Variants in FHIT observed in about 807,000 individuals in gnomAD.
FHIT encodes the protein bis(5'-adenosyl)-triphosphatase.
A neutral mutation model predicts 17.9 loss-of-function variants in FHIT; 19 were observed. The observed-to-expected ratio is 1.06, with a 90% CI of 0.74 to 1.56. FHIT has a LOEUF of 1.56. Among genes scored for constraint, FHIT ranks in the 40% most tolerant of loss-of-function variants. FHIT has a pLI of 0.00. For missense variants in FHIT, 248 were observed against 189.2 expected, an observed-to-expected ratio of 1.31 and a Z score of -1.82; for synonymous variants, 81 against 69.7, an observed-to-expected ratio of 1.16 and a Z score of -0.81.
chr3:59,888,182 A>T, intron 8 of FHIT, among the ~76,000 whole-genome samples: 1 of 152,198 alleles, frequency 6.6e-6, no homozygotes, highest in East Asian at 1.9e-4. Context: ...TAACAAATTC[A>T]TACCCAATAA....
Position 60,952,163 on chromosome 3 carries a change from C to T in FHIT, c.-111+89884G>A, listed in dbSNP as rs1224427928. 3.6e-5 allele frequency among the ~76,000 whole-genome samples: 5 copies of T among 140,106 alleles called. No homozygotes were observed. In the East Asian group the frequency reaches 9.8e-4, roughly 27 times the overall value. The allele number at this position is 140,106 out of a possible 152,430, so 91.9% of individuals were successfully genotyped here. On this transcript the variant is annotated intron_variant, in intron 3 of 9. Transcript: ENST00000492590. ...TGGGAGACAAGAGCAAAACTCCGTCCTCCCCACCCCCCCCCCAAAAAAAAA... is the reference window on the plus strand; with the variant it reads ...TGGGAGACAAGAGCAAAACTCCGTCTTCCCCACCCCCCCCCCAAAAAAAAA...
intron 8 of FHIT, among the ~76,000 whole-genome samples, chr3:59,846,199 T>A (rs1273713122): frequency 1.3e-5 from 2 of 152,152 alleles, no homozygotes; most frequent in East Asian, 3.8e-4. Flanking sequence ...CTTTTGTGTT[T>A]GGTTGATTTC....
At chr3:60,355,889 T>C (rs953837117) in intron 5 of FHIT, among the ~76,000 whole-genome samples, 1 of 152,278 alleles carries the variant, frequency 6.6e-6, no homozygotes, top group South Asian at 2.1e-4. Context: ...TTAGTGAAAA[T>C]TGTTCCTTAT....
At position 60,254,408 on chromosome 3, in the gene FHIT, A is replaced by G. The variant is rs569783001; in HGVS notation, c.104-240256T>C. On this transcript the variant is annotated intron_variant, in intron 5 of 9. Transcript: ENST00000492590. ...TAACCAAATAAAATGATTTTTCCCA[A>G]TATAAATTAGAGATACTATATCAAA... Among the ~76,000 whole-genome samples, 6 of 152,270 alleles carry G rather than the reference A, an allele frequency of 3.9e-5. No individual in the cohort carries two copies. The Middle Eastern group carries it at 0.014, about 345-fold the overall frequency.
At chr3:60,923,549 A>C (rs1707402388) in intron 3 of FHIT, among the ~76,000 whole-genome samples, 1 of 152,234 alleles carries the variant, frequency 6.6e-6, no homozygotes, top group African/African-American at 2.4e-5. Context: ...AGAGTCTGGT[A>C]ATTATGTATT....
intron 5 of FHIT, among the ~76,000 whole-genome samples, chr3:60,074,152 A>G (rs1201051265): frequency 6.6e-6 from 1 of 152,102 alleles, no homozygotes; most frequent in East Asian, 1.9e-4. Context: ...TAGTCAAAAC[A>G]AGCCAAGCTG....
chr3:60,876,159 G>T (rs1261140504), intron 3 of FHIT, among the ~76,000 whole-genome samples: 1 of 151,964 alleles, frequency 6.6e-6, no homozygotes, highest in African/African-American at 2.4e-5. Flanking sequence ...GTAAGCAAGG[G>T]ATTTTTCAAC....
intron 3 of FHIT, among the ~76,000 whole-genome samples, chr3:60,936,325 A>C (rs2107390684): frequency 6.6e-6 from 1 of 152,342 alleles, no homozygotes; most frequent in South Asian, 2.1e-4. Flanking sequence ...AAAATTATTT[A>C]GCCAGAAAAA....
intron 2 of FHIT, among the ~76,000 whole-genome samples, chr3:61,182,379 A>G (rs1406106880): frequency 6.6e-6 from 1 of 152,256 alleles, no homozygotes; most frequent in Admixed American, 6.5e-5. Flanking sequence ...TTAATACAAC[A>G]TTTCTCTTTA....
At chr3:60,624,902 T>TC (rs59552130) in intron 4 of FHIT, among the ~76,000 whole-genome samples, 1 of 150,948 alleles carries the variant, frequency 6.6e-6, no homozygotes, top group African/African-American at 2.4e-5. Context: ...CTAGTTTTTT[T>TC]TTTTGTTTGT....
rs892084075 is a variant in FHIT at position 61,092,529 on chromosome 3, G to A, written c.-163-50430C>T. Among the ~76,000 whole-genome samples, 8 of 151,958 alleles carry A rather than the reference G, an allele frequency of 5.3e-5. No homozygotes were observed. In the East Asian group the frequency reaches 1.5e-3, roughly 29 times the overall value. On this transcript the variant is annotated intron_variant, in intron 2 of 9. Coordinates refer to ENST00000492590, the MANE Select transcript of FHIT (RefSeq NM_002012.4). ...TATATATATATATATACTGCTTGCT[G>A]ACAATAAATTATTTTGTTAAAAAAC...
intron 3 of FHIT, among the ~76,000 whole-genome samples, chr3:60,985,459 T>G (rs1710681335): frequency 6.6e-6 from 1 of 152,132 alleles, no homozygotes; most frequent in Non-Finnish European, 1.5e-5. Context: ...TCAATCATAA[T>G]GCCCCACTGC....
At chr3:60,207,013 A>C (rs1703224575) in intron 5 of FHIT, among the ~76,000 whole-genome samples, 2 of 152,190 alleles carry the variant, frequency 1.3e-5, no homozygotes, top group African/African-American at 4.8e-5. Flanking sequence ...ATACATACAC[A>C]ACTAAGTGGG....
chr3:60,473,651 G>A (rs2033200109), intron 5 of FHIT, among the ~76,000 whole-genome samples: 2 of 152,190 alleles, frequency 1.3e-5, no homozygotes, highest in South Asian at 4.1e-4. Flanking sequence ...GGGCGCAGTG[G>A]CTCACGCCTG....
intron 4 of FHIT, among the ~76,000 whole-genome samples, chr3:60,705,652 G>C (rs2107920709): frequency 6.6e-6 from 1 of 152,332 alleles, no homozygotes; most frequent in South Asian, 2.1e-4. Flanking sequence ...CAGTAAATAT[G>C]TTCAAGGCTT....
intron 4 of FHIT, among the ~76,000 whole-genome samples, chr3:60,769,013 C>A (rs782435607): frequency 6.6e-6 from 1 of 152,202 alleles, no homozygotes; most frequent in Non-Finnish European, 1.5e-5. Context: ...CTTCTGTGAA[C>A]AACCTCAAAT....
intron 4 of FHIT, among the ~76,000 whole-genome samples, chr3:60,603,648 C>G (rs1457704423): frequency 6.6e-6 from 1 of 152,120 alleles, no homozygotes; most frequent in Non-Finnish European, 1.5e-5. Flanking sequence ...TATAACACCA[C>G]TTTTCTGACA....
At chr3:60,308,675 A>T (rs1708799402) in intron 5 of FHIT, among the ~76,000 whole-genome samples, 1 of 152,054 alleles carries the variant, frequency 6.6e-6, no homozygotes, top group South Asian at 2.1e-4. Flanking sequence ...TGAACACAAC[A>T]TTGTTTTAAG....
intron 5 of FHIT, among the ~76,000 whole-genome samples, chr3:60,173,709 C>A (rs1215612185): frequency 6.6e-6 from 1 of 151,372 alleles, no homozygotes; most frequent in African/African-American, 2.4e-5. Flanking sequence ...GTCTGCTCAA[C>A]TGGTCTCAGT....
Sources: allele counts gnomAD v4.1 joint callset (sites outside exome capture counted in the v4.1 genomes callset), GRCh38; gene constraint gnomAD v4.1.1; transcripts MANE v1.5; gene names NCBI Gene and HGNC (gene_info 2026-07-23, HGNC 2026-07-21).